SRCAP: variants seen among roughly 807,000 people sequenced by gnomAD.
The protein encoded by SRCAP is Snf2 related CREBBP activator protein, also known as chromatin remodeling protein SRCAP.
SRCAP carries 46 observed loss-of-function variants against 263.1 expected under a neutral mutation model. The ratio of observed to expected loss-of-function variants is 0.17; its 90% CI spans 0.14 to 0.22. The LOEUF is 0.22. Among genes scored for constraint, SRCAP ranks in the 10% least tolerant of loss-of-function variants. SRCAP has a pLI of 1.00. For missense variants in SRCAP, 3,695 were observed against 4,181.9 expected (o/e 0.88, Z 3.21); for synonymous variants, 1,813 against 1,662.1 (o/e 1.09, Z -2.21).
chr16:30,716,587 CT>C (rs2052953298), intron 18 of SRCAP, 108 bp downstream of exon 18: 1 of 938,898 alleles, frequency 1.1e-6, no homozygotes. Flanking sequence ...CATGACTCCC[CT>C]ATCATTCCCT....
In SRCAP at chr16:30,717,062, C is replaced by T. The variant is rs576417685; in HGVS notation, c.2817+583C>T. On this transcript the variant is annotated intron_variant, in intron 18 of 33. Coordinates refer to ENST00000262518, the MANE Select transcript of SRCAP (RefSeq NM_006662.3). Reference sequence around the variant, plus strand: ...AGTAGCTGCATGTTTTACATTTCCACCCTAGCAGGGCACAAGTGTTCTAAT... The same window carrying T: ...AGTAGCTGCATGTTTTACATTTCCATCCTAGCAGGGCACAAGTGTTCTAAT... Among the ~76,000 whole-genome samples, 6 of 152,302 alleles carry T rather than the reference C, an allele frequency of 3.9e-5. No homozygotes were observed. The South Asian group carries it at 1.2e-3, about 32-fold the overall frequency.
At position 30,733,647 on chromosome 16, in the gene SRCAP, A is replaced by C. The variant is rs1439583471; in HGVS notation, c.6343A>C (p.Ile2115Leu). 1 of 1,613,840 alleles carries C rather than the reference A, an allele frequency of 6.2e-7. No individual in the cohort carries two copies. The highest frequency in any genetic ancestry group is 8.5e-7 in the Non-Finnish European group (1 of 1,179,988). ...FNADKRIFCF[I>L]LSTRSGGVGV... is the part of the protein sequence containing the mutation. ...TGCAGACAAACGCATATTCTGCTTC[A>C]TCCTTTCAACTCGGAGTGGGGGTGT... is the stretch of plus-strand genomic sequence containing the variant. Residue 2115 changes from isoleucine to leucine, a missense_variant, in exon 29 of 34, where the codon ATC becomes CTC. Physicochemically the swap from Ile to Leu is conservative, Grantham distance 5 (BLOSUM62 2). Transcript: ENST00000262518. The surrounding 1 kb of genome is among the most constrained non-coding windows in gnomAD (Gnocchi z 5.3).
chr16:30,720,256 G>T lies in SRCAP; in HGVS notation c.2912G>T (p.Arg971Leu). 6.2e-7 allele frequency: 1 copy of T among 1,614,152 alleles called. No homozygotes were observed. ...DTFLPRHRLSRRVLLEVATAP... is the reference protein window; with the variant it reads ...DTFLPRHRLSLRVLLEVATAP... The stretch of plus-strand genomic sequence containing the variant: ...TTTCTGCCCCGGCACCGCCTCTCTC[G>T]CCGGGTACTGTTAGAAGTGGCTACT... The change falls in exon 19 of 34, where the codon CGC (arginine) becomes CTC (leucine). Residue 971 changes from arginine (R) to leucine (L), a missense_variant. Physicochemically the swap from Arg to Leu is moderately radical, Grantham distance 102 (BLOSUM62 -2). Transcript: ENST00000262518.
In SRCAP at chr16:30,707,179, T is replaced by C; in HGVS notation, c.307-4T>C. The C allele has an allele frequency of 1.2e-6, 2 of 1,613,834 alleles. No individual in the cohort carries two copies. The highest frequency in any genetic ancestry group is 1.7e-6 in the Non-Finnish European group (2 of 1,179,862). On this transcript the variant is annotated splice_region_variant and splice_polypyrimidine_tract_variant and intron_variant, in intron 4 of 33. Coordinates refer to ENST00000262518, the MANE Select transcript of SRCAP (RefSeq NM_006662.3). ...TGTTGATTGATCTGGCTCTCCCTGA[T>C]TAGGAGGCCGAGATCGAGACTCGGA... is the stretch of plus-strand genomic sequence containing the variant.
At chr16:30,722,938 C>T in intron 23 of SRCAP, 25 bp from the exon 24 acceptor site, 2 of 1,587,950 alleles carry the variant, frequency 1.3e-6, no homozygotes, top group Non-Finnish European at 1.7e-6. Flanking sequence ...TTCTACCTTC[C>T]TCTCAGTGTA....
chr16:30,721,588 T>G, intron 21 of SRCAP, 112 bp downstream of exon 21: 1 of 1,402,010 alleles, frequency 7.1e-7, no homozygotes, highest in Non-Finnish European at 9.5e-7. Flanking sequence ...ATGCCTATAA[T>G]CCCGGTGCTT....
intron 4 of SRCAP, among the ~76,000 whole-genome samples, chr16:30,705,709 T>G (rs2052820153): frequency 7.0e-6 from 1 of 143,264 alleles, no homozygotes; most frequent in Admixed American, 7.0e-5. Context: ...ACAATTGGGT[T>G]TTTTTTTTTT....
In SRCAP at chr16:30,737,631, C is replaced by G. The variant is rs760984650; in HGVS notation, c.7591C>G (p.Pro2531Ala). The G allele has an allele frequency of 5.0e-6, 8 of 1,614,064 alleles. 1 individual carries two copies. Among genetic ancestry groups the G allele is most frequent in the Non-Finnish European group, 5.9e-6 (7 of 1,180,026 alleles). The part of the protein sequence containing the change: ...VTPSSPLLLG[P>A]PSVPISASVT... ...TCCTTCCTCTCCTCTCTTGCTTGGT[C>G]CACCTTCTGTGCCCATCTCTGCCTC... The change falls in exon 34 of 34, where the codon CCA (proline) becomes GCA (alanine). Residue 2531 changes from proline (P) to alanine (A), a missense_variant. This residue lies in a region of SRCAP where 1,207 missense variants were observed against 1,142.9 expected (regional missense o/e 1.06). Coordinates refer to ENST00000262518, the MANE Select transcript of SRCAP (RefSeq NM_006662.3).
intron 10 of SRCAP, 114 bp from the exon 11 acceptor site, chr16:30,711,457 C>A: frequency 8.8e-7 from 1 of 1,133,506 alleles, no homozygotes; most frequent in Non-Finnish European, 1.2e-6. Context: ...TGCCTCCCCT[C>A]AGACCTGGGC....
rs777744269 is a variant in SRCAP, at chr16:30,723,190, C to T, written c.4120C>T (p.Leu1374Phe). 1.3e-4 allele frequency: 216 copies of T among 1,613,770 alleles called. No individual in the cohort carries two copies. Among genetic ancestry groups the T allele is most frequent in the Non-Finnish European group, 1.7e-4 (203 of 1,179,842 alleles). Residue 1374 changes from leucine to phenylalanine, a missense_variant, in exon 24 of 34, where the codon CTT becomes TTT. Physicochemically the swap from Leu to Phe is conservative, Grantham distance 22. Transcript: ENST00000262518. ...GCCCACACCCACTCTGGTGAGGCCT[C>T]TTCTCAAGCTGGTCCACAGTCCTTC... Reference protein sequence around the residue: ...PMPTPTLVRPLLKLVHSPSPE... With the variant: ...PMPTPTLVRPFLKLVHSPSPE...
At position 30,738,081 on chromosome 16, in the gene SRCAP, A is replaced by C. The variant is rs1596668634; in HGVS notation, c.8041A>C (p.Lys2681Gln). The change falls in exon 34 of 34, where the codon AAG becomes CAG. Residue 2681 changes from lysine to glutamine, a missense_variant. This residue lies in a region of SRCAP where 1,207 missense variants were observed against 1,142.9 expected (regional missense o/e 1.06). Coordinates refer to ENST00000262518, the MANE Select transcript of SRCAP (RefSeq NM_006662.3). ...DRTSEELTEA[K>Q]TPTSSPEKPQ... is the part of the protein sequence containing the mutation. The stretch of plus-strand genomic sequence containing the variant: ...GACCTCGGAAGAGCTGACAGAGGCC[A>C]AGACCCCAACCTCCAGCCCAGAGAA... 1 of 1,614,122 alleles carries C rather than the reference A, an allele frequency of 6.2e-7. No individual in the cohort carries two copies. The highest frequency in any genetic ancestry group is 1.1e-5 in the South Asian group (1 of 91,084).
chr16:30,700,212 T>G (rs2052749849), intron 2 of SRCAP, among the ~76,000 whole-genome samples: 1 of 152,216 alleles, frequency 6.6e-6, no homozygotes, highest in Admixed American at 6.5e-5. Flanking sequence ...TTTCCTTGGT[T>G]TTGGCATCAG....
intron 25 of SRCAP, among the ~76,000 whole-genome samples, 200 bp from the exon 26 acceptor site, chr16:30,728,766 T>C (rs1218704620): frequency 6.6e-6 from 1 of 152,154 alleles, no homozygotes; most frequent in African/African-American, 2.4e-5. Context: ...AGAATAGTTA[T>C]TTAACATAAA....
In SRCAP at chr16:30,712,142, G is replaced by A. The variant is rs201021189; in HGVS notation, c.1800G>A (p.Thr600=). 1.7e-5 allele frequency: 27 copies of A among 1,613,232 alleles called. 1 individual carries two copies. Among genetic ancestry groups the A allele is most frequent in the Non-Finnish European group, 2.2e-5 (26 of 1,179,426 alleles). Reference sequence around the variant, plus strand: ...AAAGTCTCCAGCCCAAGGGTTACACGCTGGCCACGACCCAGGTATCCCCAG... The same window carrying A: ...AAAGTCTCCAGCCCAAGGGTTACACACTGGCCACGACCCAGGTATCCCCAG... ...AAESLQPKGY[T]LATTQVKTPI... Residue 600 remains threonine, a synonymous_variant, in exon 12 of 34, where the codon ACG becomes ACA. Coordinates refer to ENST00000262518, the MANE Select transcript of SRCAP (RefSeq NM_006662.3).
In SRCAP at chr16:30,721,233, C is replaced by T. The variant is rs1207927809; in HGVS notation, c.3298C>T (p.Pro1100Ser). The change falls in exon 21 of 34, where the codon CCC (proline) becomes TCC (serine). Residue 1100 changes from proline (P) to serine (S), a missense_variant. Transcript: ENST00000262518. ...GGTCCTGAGTGGGACCTCACGGCCT[C>T]CCACGCCAACCTTGTCCCTAAAGCC... Reference protein sequence around the residue: ...LGVLSGTSRPPTPTLSLKPTP... With the variant: ...LGVLSGTSRPSTPTLSLKPTP... 4.3e-6 allele frequency: 7 copies of T among 1,613,766 alleles called. No homozygotes were observed. The highest frequency in any genetic ancestry group is 5.9e-6 in the Non-Finnish European group (7 of 1,179,902).
chr16:30,732,206 CTT>C (rs1398561444), intron 27 of SRCAP, among the ~76,000 whole-genome samples: 12 of 151,882 alleles, frequency 7.9e-5, no homozygotes, highest in Admixed American at 7.9e-4. Flanking sequence ...AATCCCAGCA[CTT>C]TGGGAGGCTG....
Position 30,723,881 on chromosome 16 carries a change from C to T in SRCAP, c.4457C>T (p.Ala1486Val), listed in dbSNP as rs377218192. Residue 1486 changes from alanine (A) to valine (V), a missense_variant, in exon 25 of 34, where the codon GCG becomes GTG. Coordinates refer to ENST00000262518, the MANE Select transcript of SRCAP (RefSeq NM_006662.3). The part of the protein sequence containing the change: ...VTPPLAPVVP[A>V]APGPPSLAPS... ...CCACCATTGGCACCTGTTGTCCCAG[C>T]GGCTCCTGGACCTCCCTCCTTGGCA... 65 of 1,613,972 alleles carry T rather than the reference C, an allele frequency of 4.0e-5. No individual in the cohort carries two copies. The highest frequency in any genetic ancestry group is 4.7e-5 in the Non-Finnish European group (55 of 1,180,026).
intron 10 of SRCAP, 58 bp downstream of exon 10, chr16:30,711,146 C>G: frequency 7.2e-7 from 1 of 1,386,168 alleles, no homozygotes; most frequent in Non-Finnish European, 1.0e-6. Flanking sequence ...TGTGCAGTAC[C>G]AAGGATAAAG....
rs1324119804 is a variant in SRCAP, at chr16:30,712,420, C to T, written c.1974C>T (p.Ala658=). ...GKTIQTISLL[A]HLACEKGNWG... ...CCATCCAGACCATCTCTCTGCTTGC[C>T]CACTTGGCTTGTGAGAAAGGTAAGT... Residue 658 remains alanine, a synonymous_variant, in exon 13 of 34, where the codon GCC becomes GCT. Coordinates refer to ENST00000262518, the MANE Select transcript of SRCAP (RefSeq NM_006662.3). 2 of 1,581,884 alleles carry T rather than the reference C, an allele frequency of 1.3e-6. No individual in the cohort carries two copies. The highest frequency in any genetic ancestry group is 1.4e-5 in the African/African-American group (1 of 73,508).
Sources: gnomAD v4.1 joint callset for allele counts (sites outside exome capture counted in the v4.1 genomes callset) on GRCh38, gnomAD v4.1.1 for gene constraint, gnomAD v4.1.1 regional missense constraint, Gnocchi (gnomAD v3.1) non-coding constraint, MANE v1.5 for transcripts, NCBI Gene and HGNC (gene_info 2026-07-23, HGNC 2026-07-21) for gene names.